Variants in TRHDE observed in about 807,000 individuals in gnomAD.
TRHDE encodes the protein thyrotropin-releasing hormone-degrading ectoenzyme.
In TRHDE, 72 loss-of-function variants were observed where a neutral mutation model predicts 125.7. That is an observed-to-expected ratio of 0.57 (90% CI 0.47 to 0.70). The LOEUF is 0.70. TRHDE is among the 30% of genes least tolerant of loss of function. The probability of loss-of-function intolerance (pLI) is 0.00; values close to 1 mark genes in which losing one functional copy is unlikely to be tolerated. For synonymous variants in TRHDE, 509 were observed against 509.1 expected, an observed-to-expected ratio of 1.00 and a Z score of 0.00; for missense variants, 1,110 against 1,327.1, an observed-to-expected ratio of 0.84 and a Z score of 2.54.
At chr12:72,188,719 G>A (rs183000354) in intron 2 of TRHDE, among the ~76,000 whole-genome samples, 4 of 152,216 alleles carry the variant, frequency 2.6e-5, no homozygotes, top group Admixed American at 2.6e-4. Flanking sequence ...GATTTTTTTT[G>A]TATATGTGAA....
intron 17 of TRHDE, among the ~76,000 whole-genome samples, chr12:72,656,697 T>C (rs1303868469): frequency 6.6e-6 from 1 of 152,088 alleles, no homozygotes; most frequent in Admixed American, 6.6e-5. Flanking sequence ...AACTCAGACT[T>C]CTCTGAAACA....
At chr12:72,222,219 T>C (rs1467630682) in intron 2 of TRHDE, among the ~76,000 whole-genome samples, 1 of 152,144 alleles carries the variant, frequency 6.6e-6, no homozygotes, top group African/African-American at 2.4e-5. Context: ...GATCTGCTTT[T>C]CTGATGGAAG....
chr12:72,404,939 C>T (rs1873204201), intron 3 of TRHDE, among the ~76,000 whole-genome samples: 1 of 152,096 alleles, frequency 6.6e-6, no homozygotes, highest in Non-Finnish European at 1.5e-5. Context: ...TAGACCAATA[C>T]CTAGTGTACA....
At chr12:72,625,985 A>G (rs552556309) in intron 15 of TRHDE, among the ~76,000 whole-genome samples, 1 of 152,094 alleles carries the variant, frequency 6.6e-6, no homozygotes, top group South Asian at 2.1e-4. Context: ...GTGGTTTTTG[A>G]ACCTGAACAT....
chr12:72,589,790 T>C (rs1871592965), intron 12 of TRHDE, among the ~76,000 whole-genome samples: 1 of 152,090 alleles, frequency 6.6e-6, no homozygotes, highest in Non-Finnish European at 1.5e-5. Context: ...TTGTTTTCTC[T>C]CTTTTTTGTG....
chr12:72,137,951 A>C (rs1179207676), intron 2 of TRHDE, among the ~76,000 whole-genome samples: 1 of 152,226 alleles, frequency 6.6e-6, no homozygotes, highest in Non-Finnish European at 1.5e-5. Context: ...AGAAAGTGAA[A>C]ATGGCAGTAC....
At chr12:72,467,763 C>G (rs371821894) in intron 3 of TRHDE, among the ~76,000 whole-genome samples, 95 of 152,220 alleles carry the variant, frequency 6.2e-4, no homozygotes, top group African/African-American at 2.2e-3. Flanking sequence ...TGCGGTGAGC[C>G]GAGATCGCAC....
intron 3 of TRHDE, among the ~76,000 whole-genome samples, chr12:72,394,589 CT>C (rs1334201995): frequency 6.6e-6 from 1 of 152,178 alleles, no homozygotes; most frequent in Admixed American, 6.6e-5. Context: ...GCAAATCCCC[CT>C]ATGCCCTTAA....
chr12:72,651,276 C>A (rs902455218), intron 15 of TRHDE, among the ~76,000 whole-genome samples: 3 of 151,908 alleles, frequency 2.0e-5, no homozygotes, highest in Non-Finnish European at 1.5e-5. Context: ...CTGATTGTAG[C>A]CCTTCTTAGC....
intron 2 of TRHDE, among the ~76,000 whole-genome samples, chr12:72,192,448 C>T (rs1877359548): frequency 6.6e-6 from 1 of 152,030 alleles, no homozygotes; most frequent in South Asian, 2.1e-4. Context: ...CTGCATCTAA[C>T]CGAGACCCAA....
At chr12:72,321,056 T>TC in intron 2 of TRHDE, among the ~76,000 whole-genome samples, 1 of 152,272 alleles carries the variant, frequency 6.6e-6, no homozygotes, top group South Asian at 2.1e-4. Flanking sequence ...AAAGGAATCA[T>TC]CAACTCGAAT....
intron 3 of TRHDE, among the ~76,000 whole-genome samples, chr12:72,439,416 T>A (rs1170438328): frequency 7.9e-5 from 12 of 151,946 alleles, no homozygotes; most frequent in Admixed American, 7.9e-4. Context: ...CAATATTAAC[T>A]CTTCCAATCC....
chr12:72,645,181 T>C (rs1415986852), intron 15 of TRHDE, among the ~76,000 whole-genome samples: 1 of 152,142 alleles, frequency 6.6e-6, no homozygotes, highest in African/African-American at 2.4e-5. Flanking sequence ...ACCTGACAGA[T>C]ACTTCAAAAA....
intron 2 of TRHDE, among the ~76,000 whole-genome samples, chr12:72,110,273 T>C (rs939334260): frequency 1.3e-5 from 2 of 152,130 alleles, no homozygotes; most frequent in Admixed American, 1.3e-4. Context: ...TGACACCTTT[T>C]ATCTGTAGAG....
intron 2 of TRHDE, among the ~76,000 whole-genome samples, chr12:72,218,997 A>G (rs1877950429): frequency 6.6e-6 from 1 of 152,174 alleles, no homozygotes. Flanking sequence ...AAATTTTGCC[A>G]GAGAGCAAAG....
rs139002385 is a variant in TRHDE, at chr12:72,608,645, A to C, written c.2322-10246A>C. 8.4e-3 allele frequency among the ~76,000 whole-genome samples: 1,274 copies of C among 152,304 alleles called. 60 individuals carry two copies. The highest frequency in any genetic ancestry group is 0.073 in the Admixed American group (1,115 of 15,282). On this transcript the variant is annotated intron_variant, in intron 12 of 18. Transcript: ENST00000261180. ...GCCAAAGGCTAAAAGGAGTATTTAC[A>C]ATGAGTTCACTAAGACCTCCATTTT... is the stretch of plus-strand genomic sequence containing the variant.
intron 18 of TRHDE, among the ~76,000 whole-genome samples, chr12:72,661,390 A>G (rs1381214166): frequency 6.6e-6 from 1 of 152,158 alleles, no homozygotes; most frequent in Admixed American, 6.6e-5. Flanking sequence ...ACTGCCTAGG[A>G]AAAAAAGTAA....
At chr12:72,279,347 A>T (rs1480694907) in intron 1 of TRHDE, among the ~76,000 whole-genome samples, 1 of 34,818 alleles carries the variant, frequency 2.9e-5, no homozygotes, top group Non-Finnish European at 5.5e-5. Flanking sequence ...TCCCTCCTTC[A>T]CCCCCAATGC....
At chr12:72,384,355 C>A (rs1218493067) in intron 3 of TRHDE, among the ~76,000 whole-genome samples, 4 of 152,026 alleles carry the variant, frequency 2.6e-5, no homozygotes, top group Non-Finnish European at 4.4e-5. Context: ...TTTCTGCCCT[C>A]AAGGAGATTG....
Sources: gnomAD v4.1 joint callset for allele counts (sites outside exome capture counted in the v4.1 genomes callset) on GRCh38, gnomAD v4.1.1 for gene constraint, MANE v1.5 for transcripts, NCBI Gene and HGNC (gene_info 2026-07-23, HGNC 2026-07-21) for gene names.